FBXL7: variants seen among roughly 807,000 people sequenced by gnomAD.
The protein encoded by FBXL7 is F-box/LRR-repeat protein 7.
In FBXL7, 12 loss-of-function variants were observed where a neutral mutation model predicts 38.3. The ratio of observed to expected loss-of-function variants is 0.31; its 90% CI spans 0.20 to 0.51. The LOEUF (loss-of-function observed/expected upper bound fraction) is 0.51. Among genes scored for constraint, FBXL7 ranks in the 20% least tolerant of loss-of-function variants. The pLI is 0.98. For missense variants in FBXL7, 567 were observed against 676.4 expected (o/e 0.84, Z 1.79); for synonymous variants, 297 against 300.9 (o/e 0.99, Z 0.13).
chr5:15,535,677 T>C (rs990964575), intron 1 of FBXL7, among the ~76,000 whole-genome samples: 12 of 152,336 alleles, frequency 7.9e-5, no homozygotes, highest in African/African-American at 2.9e-4. Context: ...TCTAAAATAG[T>C]ATGCTCATAT....
At chr5:15,867,562 A>G (rs1739769874) in intron 2 of FBXL7, among the ~76,000 whole-genome samples, 1 of 152,248 alleles carries the variant, frequency 6.6e-6, no homozygotes, top group East Asian at 1.9e-4. Flanking sequence ...AATGGCCCCC[A>G]AAGTGTCTGT....
intron 2 of FBXL7, among the ~76,000 whole-genome samples, chr5:15,883,477 A>G (rs1740544717): frequency 6.6e-6 from 1 of 152,190 alleles, no homozygotes; most frequent in South Asian, 2.1e-4. Flanking sequence ...CACAAGTTTT[A>G]TGCATAACAA....
At chr5:15,516,715 G>C (rs1212185382) in intron 1 of FBXL7, among the ~76,000 whole-genome samples, 1 of 152,102 alleles carries the variant, frequency 6.6e-6, no homozygotes, top group African/African-American at 2.4e-5. Context: ...GAATCGTGTG[G>C]GTGGTTACCT....
At chr5:15,555,554 G>T (rs539562745) in intron 1 of FBXL7, among the ~76,000 whole-genome samples, 38 of 152,222 alleles carry the variant, frequency 2.5e-4, no homozygotes, top group Admixed American at 2.2e-3. Context: ...GATTTTCTTG[G>T]CTTTGCCCCT....
At chr5:15,727,570 T>C (rs1408857453) in intron 2 of FBXL7, among the ~76,000 whole-genome samples, 1 of 152,196 alleles carries the variant, frequency 6.6e-6, no homozygotes, top group Admixed American at 6.5e-5. Flanking sequence ...AAGTTTCTGA[T>C]GAGAAATCTG....
At chr5:15,900,404 G>T (rs1741206562) in intron 2 of FBXL7, among the ~76,000 whole-genome samples, 1 of 152,166 alleles carries the variant, frequency 6.6e-6, no homozygotes, top group Non-Finnish European at 1.5e-5. Context: ...ACTTTTCTTG[G>T]TGTTGGGGTC....
intron 2 of FBXL7, among the ~76,000 whole-genome samples, chr5:15,914,242 C>T (rs768417732): frequency 2.6e-5 from 4 of 151,816 alleles, no homozygotes; most frequent in Non-Finnish European, 5.9e-5. Flanking sequence ...AAAAATTAGT[C>T]GGGCGTGGTG....
At chr5:15,711,266 C>A (rs1743859467) in intron 2 of FBXL7, among the ~76,000 whole-genome samples, 1 of 152,198 alleles carries the variant, frequency 6.6e-6, no homozygotes, top group Non-Finnish European at 1.5e-5. Context: ...TCTAGTAGCT[C>A]TGGAGATTCC....
intron 2 of FBXL7, among the ~76,000 whole-genome samples, chr5:15,850,550 G>C (rs1389504827): frequency 6.6e-6 from 1 of 152,204 alleles, no homozygotes; most frequent in East Asian, 1.9e-4. Flanking sequence ...TTAAAATTTA[G>C]ATGTTTGTTA....
intron 2 of FBXL7, among the ~76,000 whole-genome samples, chr5:15,791,949 T>C (rs1239773015): frequency 6.6e-6 from 1 of 152,110 alleles, no homozygotes; most frequent in Non-Finnish European, 1.5e-5. Flanking sequence ...TCGCAGAAGC[T>C]GATTCCCAAG....
chr5:15,865,986 G>C (rs1243820270), intron 2 of FBXL7, among the ~76,000 whole-genome samples: 2 of 152,184 alleles, frequency 1.3e-5, no homozygotes, highest in African/African-American at 4.8e-5. Context: ...TTTTCGTTAA[G>C]AGTAGATCTC....
At chr5:15,571,092 T>TTA (rs1491091619) in intron 1 of FBXL7, among the ~76,000 whole-genome samples, 2 of 129,300 alleles carry the variant, frequency 1.5e-5, no homozygotes, top group African/African-American at 2.9e-5. Context: ...ATTCTGTCTT[T>TTA]AAAAAAAAAA....
At chr5:15,693,347 G>C (rs1019410957) in intron 2 of FBXL7, among the ~76,000 whole-genome samples, 3 of 152,160 alleles carry the variant, frequency 2.0e-5, no homozygotes, top group Non-Finnish European at 4.4e-5. Context: ...ACAGGCACAA[G>C]CTCCCCCGGG....
chr5:15,800,824 A>G (rs1232397497), intron 2 of FBXL7, among the ~76,000 whole-genome samples: 1 of 152,194 alleles, frequency 6.6e-6, no homozygotes, highest in Non-Finnish European at 1.5e-5. Flanking sequence ...CCTGCATCCA[A>G]ACCTGAAGGT....
intron 2 of FBXL7, among the ~76,000 whole-genome samples, chr5:15,728,622 G>A (rs1201670262): frequency 6.6e-6 from 1 of 152,128 alleles, no homozygotes; most frequent in African/African-American, 2.4e-5. Flanking sequence ...AATTCATCCT[G>A]TGAAATTGAT....
At chr5:15,767,492 A>G (rs1736621988) in intron 2 of FBXL7, among the ~76,000 whole-genome samples, 1 of 152,166 alleles carries the variant, frequency 6.6e-6, no homozygotes, top group Non-Finnish European at 1.5e-5. Flanking sequence ...CAGAACCACC[A>G]TGGGTACTTA....
intron 2 of FBXL7, among the ~76,000 whole-genome samples, chr5:15,874,550 A>C (rs1019577178): frequency 1.3e-5 from 2 of 152,250 alleles, no homozygotes; most frequent in Non-Finnish European, 2.9e-5. Context: ...CCTTAAGCTG[A>C]TAAGCAACTT....
chr5:15,643,267 T>A (rs1741424469), intron 2 of FBXL7, among the ~76,000 whole-genome samples: 1 of 152,182 alleles, frequency 6.6e-6, no homozygotes, highest in African/African-American at 2.4e-5. Flanking sequence ...CTGCAGTATT[T>A]TAGGAGGAAG....
At chr5:15,826,459 C>A (rs1366248928) in intron 2 of FBXL7, among the ~76,000 whole-genome samples, 1 of 152,136 alleles carries the variant, frequency 6.6e-6, no homozygotes, top group Non-Finnish European at 1.5e-5. Flanking sequence ...CACTCTGTCA[C>A]CCAGGCTGGA....
Sources: allele counts gnomAD v4.1 joint callset (sites outside exome capture counted in the v4.1 genomes callset), GRCh38; gene constraint gnomAD v4.1.1; transcripts MANE v1.5; gene names NCBI Gene and HGNC (gene_info 2026-07-23, HGNC 2026-07-21).